Variants in CTTNBP2 observed in about 807,000 individuals in gnomAD.
CTTNBP2 encodes cortactin binding protein 2.
In CTTNBP2, 108 loss-of-function variants were observed where a neutral mutation model predicts 156.9. That is an observed-to-expected ratio of 0.69 (90% CI 0.59 to 0.81). The LOEUF (loss-of-function observed/expected upper bound fraction) is 0.81. Ranked by LOEUF, CTTNBP2 falls within the 30% of genes least tolerant of loss-of-function variation. CTTNBP2 has a pLI of 0.00. For synonymous variants in CTTNBP2, 767 were observed against 751.8 expected, an observed-to-expected ratio of 1.02 and a Z score of -0.33; for missense variants, 1,924 against 2,035.4, an observed-to-expected ratio of 0.95 and a Z score of 1.05.
At chr7:117,803,439 C>T (rs1799746138) in intron 3 of CTTNBP2, among the ~76,000 whole-genome samples, 1 of 152,160 alleles carries the variant, frequency 6.6e-6, no homozygotes, top group Non-Finnish European at 1.5e-5. Flanking sequence ...ACTATGCTCA[C>T]TACTTGGGTG....
chr7:117,841,874 A>C lies in CTTNBP2; in HGVS notation c.189+19335T>G, dbSNP rs543962911. 1.1e-3 allele frequency among the ~76,000 whole-genome samples: 160 copies of C among 152,296 alleles called. 1 individual carries two copies. The highest frequency in any genetic ancestry group is 3.0e-3 in the African/African-American group (124 of 41,556). ...AAAGAGAAAAAATGGAACAGTAACA[A>C]CCAGAGGAAGTTGCCATCAGAATCC... is the stretch of plus-strand genomic sequence containing the variant. On this transcript the variant is annotated intron_variant, in intron 2 of 22. Transcript: ENST00000160373.
At chr7:117,842,517 T>TA (rs1175444289) in intron 2 of CTTNBP2, among the ~76,000 whole-genome samples, 13 of 149,138 alleles carry the variant, frequency 8.7e-5, no homozygotes, top group East Asian at 3.9e-4. Context: ...AGTCTTGCAT[T>TA]AAAAAAAAAG....
At chr7:117,818,402 CA>C (rs1161829469) in intron 2 of CTTNBP2, among the ~76,000 whole-genome samples, 2 of 152,116 alleles carry the variant, frequency 1.3e-5, no homozygotes, top group African/African-American at 4.8e-5. Context: ...GCCAATGATA[CA>C]AAAAGCCACA....
chr7:117,775,130 T>A (rs1269444332), intron 8 of CTTNBP2, among the ~76,000 whole-genome samples: 1 of 152,232 alleles, frequency 6.6e-6, no homozygotes, highest in Non-Finnish European at 1.5e-5. Context: ...GGGATTTAAA[T>A]GTCTTAATCA....
intron 2 of CTTNBP2, among the ~76,000 whole-genome samples, chr7:117,859,791 A>G (rs1289156752): frequency 1.3e-5 from 2 of 152,272 alleles, no homozygotes; most frequent in Non-Finnish European, 2.9e-5. Flanking sequence ...TCAACTCAGT[A>G]TCGGCCACTA....
At chr7:117,737,814 G>A (rs779600488) in intron 14 of CTTNBP2, among the ~76,000 whole-genome samples, 2 of 152,104 alleles carry the variant, frequency 1.3e-5, no homozygotes, top group Non-Finnish European at 2.9e-5. Context: ...TCCTGACTTC[G>A]TGATCCACCC....
chr7:117,714,524 A>G (rs1267743926), intron 22 of CTTNBP2, among the ~76,000 whole-genome samples: 1 of 152,190 alleles, frequency 6.6e-6, no homozygotes, highest in Non-Finnish European at 1.5e-5. Context: ...GAGTTAATTA[A>G]TGCCATGGCC....
At position 117,711,448 on chromosome 7, in the gene CTTNBP2, T is replaced by C; in HGVS notation, c.*89A>G. The C allele has an allele frequency of 1.4e-6, 2 of 1,392,584 alleles. No individual in the cohort carries two copies. Among genetic ancestry groups the C allele is most frequent in the Non-Finnish European group, 9.7e-7 (1 of 1,026,624 alleles). The allele number at this position is 1,392,584 out of a possible 1,614,324, so 86.3% of individuals were successfully genotyped here. ...CATAATTTATATTACAGTGAAAACA[T>C]TTTATCAATTTAAAGGTATTTGTAT... On this transcript the variant is annotated 3_prime_UTR_variant, in exon 23 of 23. Coordinates refer to ENST00000160373, the MANE Select transcript of CTTNBP2 (RefSeq NM_033427.3).
intron 1 of CTTNBP2, among the ~76,000 whole-genome samples, chr7:117,862,345 T>C (rs1163644284): frequency 3.3e-5 from 5 of 152,074 alleles, no homozygotes; most frequent in Non-Finnish European, 7.4e-5. Flanking sequence ...GTTCATAATT[T>C]CTCACACAAG....
intron 3 of CTTNBP2, among the ~76,000 whole-genome samples, chr7:117,802,446 A>AC (rs1438402023): frequency 1.3e-4 from 18 of 142,966 alleles, no homozygotes; most frequent in African/African-American, 4.5e-4. Flanking sequence ...GCAAAAAAAA[A>AC]AAAAAAAAAA....
chr7:117,812,279 T>C (rs1800339624), intron 2 of CTTNBP2, among the ~76,000 whole-genome samples: 3 of 151,978 alleles, frequency 2.0e-5, no homozygotes, highest in Non-Finnish European at 4.4e-5. Flanking sequence ...GAATAGCCAC[T>C]AGAATGAAAA....
intron 3 of CTTNBP2, among the ~76,000 whole-genome samples, chr7:117,801,541 G>C (rs1799602568): frequency 1.3e-5 from 2 of 152,116 alleles, no homozygotes; most frequent in Non-Finnish European, 2.9e-5. Context: ...GAACAACTGG[G>C]GGGAAATGAA....
chr7:117,832,876 A>G lies in CTTNBP2; in HGVS notation c.190-21887T>C, dbSNP rs1476594443. Among the ~76,000 whole-genome samples the G allele has an allele frequency of 4.6e-5, 7 of 151,530 alleles. No individual in the cohort carries two copies. The South Asian group carries it at 1.5e-3, about 32-fold the overall frequency. ...ATTCTCCTGCCTCAGCCTCCTGAGT[A>G]GATGAGATTACAGGCACCTGCCACC... On this transcript the variant is annotated intron_variant, in intron 2 of 22. Coordinates refer to ENST00000160373, the MANE Select transcript of CTTNBP2 (RefSeq NM_033427.3).
chr7:117,728,057 T>C (rs1198411803), intron 17 of CTTNBP2, 32 bp downstream of exon 17: 3 of 1,596,046 alleles, frequency 1.9e-6, no homozygotes, highest in Non-Finnish European at 1.7e-6. Flanking sequence ...GTCTCTATCA[T>C]AAGCAGAAAG....
chr7:117,748,649 T>G (rs1796466681), intron 12 of CTTNBP2, among the ~76,000 whole-genome samples: 1 of 152,228 alleles, frequency 6.6e-6, no homozygotes, highest in African/African-American at 2.4e-5. Context: ...CTCATCCATC[T>G]CCTTTCTAAC....
intron 1 of CTTNBP2, among the ~76,000 whole-genome samples, chr7:117,863,512 G>A (rs972749254): frequency 2.6e-5 from 4 of 152,190 alleles, no homozygotes; most frequent in Non-Finnish European, 4.4e-5. Context: ...AAGCCACGGG[G>A]CTCCACCCCT....
At chr7:117,864,508 T>G (rs970087822) in intron 1 of CTTNBP2, among the ~76,000 whole-genome samples, 3 of 151,728 alleles carry the variant, frequency 2.0e-5, no homozygotes, top group African/African-American at 7.3e-5. Context: ...AAAAAAGTAC[T>G]GTGCATGAAA....
At chr7:117,800,136 C>G (rs1563020213) in intron 3 of CTTNBP2, among the ~76,000 whole-genome samples, 1 of 151,624 alleles carries the variant, frequency 6.6e-6, no homozygotes, top group East Asian at 1.9e-4. Flanking sequence ...GCCAAATTGC[C>G]TTTAATTTTT....
At position 117,811,006 on chromosome 7, in the gene CTTNBP2, G is replaced by A. The variant is rs771006940; in HGVS notation, c.190-17C>T. ...CCTGCGAGCCTGGAACAAAATTAGA[G>A]AAATGTATTGAAGAAAGAAATGAAA... On this transcript the variant is annotated splice_polypyrimidine_tract_variant and intron_variant, in intron 2 of 22. Transcript: ENST00000160373. The A allele has an allele frequency of 6.5e-7, 1 of 1,540,226 alleles. No individual in the cohort carries two copies. The highest frequency in any genetic ancestry group is 9.0e-7 in the Non-Finnish European group (1 of 1,115,204).
Sources: gnomAD v4.1 joint callset for allele counts (sites outside exome capture counted in the v4.1 genomes callset) on GRCh38, gnomAD v4.1.1 for gene constraint, MANE v1.5 for transcripts, NCBI Gene and HGNC (gene_info 2026-07-23, HGNC 2026-07-21) for gene names.